Variants in KALRN observed in about 807,000 individuals in gnomAD.
KALRN encodes the protein kalirin RhoGEF kinase, also known as kalirin.
Under a neutral mutation model 353.7 loss-of-function variants are expected in KALRN, and 70 were observed. The ratio of observed to expected loss-of-function variants is 0.20; its 90% CI spans 0.16 to 0.24. The LOEUF (loss-of-function observed/expected upper bound fraction) is 0.24, where lower values mean the gene tolerates loss of function less well. Ranked by LOEUF, KALRN falls within the 10% of genes least tolerant of loss-of-function variation. KALRN has a pLI of 1.00. For synonymous variants in KALRN, 1,391 were observed against 1,434.8 expected, an observed-to-expected ratio of 0.97 and a Z score of 0.69; for missense variants, 2,791 against 3,756.7, an observed-to-expected ratio of 0.74 and a Z score of 6.72.
At chr3:124,696,343 T>C in intron 54 of KALRN, 88 bp downstream of exon 54, 1 of 1,331,424 alleles carries the variant, frequency 7.5e-7, no homozygotes. Context: ...TGATCTCTGT[T>C]CATGGCAGCC....
At chr3:124,316,468 A>C (rs141207148) in intron 6 of KALRN, among the ~76,000 whole-genome samples, 90 of 152,278 alleles carry the variant, frequency 5.9e-4, no homozygotes, top group African/African-American at 2.1e-3. Flanking sequence ...TTCACATCTC[A>C]GCCTCTACAA....
At position 124,247,249 on chromosome 3, in the gene KALRN, A is replaced by G. The variant is rs16835230; in HGVS notation, c.263+12306A>G. Among the ~76,000 whole-genome samples the G allele has an allele frequency of 6.8e-3, 1,028 of 152,272 alleles. 6 individuals carry two copies. Among genetic ancestry groups the G allele is most frequent in the African/African-American group, 0.022 (899 of 41,562 alleles). On this transcript the variant is annotated intron_variant, in intron 3 of 59. Transcript: ENST00000682506. ...TAGATGGGTTTTGTCAGAGGCTCCA[A>G]TGGTTCTATTCTGGTTCTCTCCTCA...
At chr3:124,629,817 TC>T (rs1178936074) in intron 34 of KALRN, among the ~76,000 whole-genome samples, 1 of 13,470 alleles carries the variant, frequency 7.4e-5, no homozygotes, top group African/African-American at 6.4e-4. Context: ...TCTCTCTGTC[TC>T]TCTCTCTCTC....
intron 34 of KALRN, among the ~76,000 whole-genome samples, chr3:124,584,082 T>A (rs948769021): frequency 4.6e-5 from 7 of 151,928 alleles, no homozygotes; most frequent in African/African-American, 1.7e-4. Context: ...ATGGGGAAAC[T>A]GAAGATAAAA....
At chr3:124,687,273 G>A (rs1239562700) in intron 51 of KALRN, among the ~76,000 whole-genome samples, 1 of 152,148 alleles carries the variant, frequency 6.6e-6, no homozygotes, top group Non-Finnish European at 1.5e-5. Context: ...TCATGGCTAG[G>A]TTGGAAATGT....
At chr3:124,220,816 C>CAGT (rs1485029922) in intron 1 of KALRN, among the ~76,000 whole-genome samples, 3 of 152,206 alleles carry the variant, frequency 2.0e-5, no homozygotes, top group African/African-American at 7.2e-5. Flanking sequence ...GACAAAGTTC[C>CAGT]AGTGCCCCTA....
chr3:124,423,063 A>G (rs2092852927), intron 15 of KALRN, 85 bp downstream of exon 15: 8 of 1,343,052 alleles, frequency 6.0e-6, no homozygotes, highest in Non-Finnish European at 8.3e-6. Flanking sequence ...GAGGTAAGGC[A>G]TACAGAGCCA....
At chr3:124,411,470 G>A (rs1283077107) in intron 13 of KALRN, among the ~76,000 whole-genome samples, 3 of 53,848 alleles carry the variant, frequency 5.6e-5, no homozygotes, top group Admixed American at 2.3e-4. Context: ...TTAAGAAACA[G>A]GGTCTCTATC....
At chr3:124,270,313 T>A (rs148847631) in intron 5 of KALRN, among the ~76,000 whole-genome samples, 1 of 152,334 alleles carries the variant, frequency 6.6e-6, no homozygotes, top group Admixed American at 6.5e-5. Context: ...GAAAAATGTC[T>A]CTAGGTATTT....
At chr3:124,659,289 A>G (rs2084510014) in intron 42 of KALRN, 76 bp from the exon 43 acceptor site, 3 of 943,968 alleles carry the variant, frequency 3.2e-6, no homozygotes, top group Admixed American at 3.5e-5. Context: ...CCTGTCTTCC[A>G]TGCCTTTGAA....
At chr3:124,227,231 CAT>C (rs1010518544) in intron 1 of KALRN, among the ~76,000 whole-genome samples, 2 of 152,150 alleles carry the variant, frequency 1.3e-5, no homozygotes, top group Non-Finnish European at 2.9e-5. Flanking sequence ...TCAACTAGAA[CAT>C]AGAAAGGACT....
chr3:124,330,251 C>G (rs1277494327), intron 8 of KALRN, among the ~76,000 whole-genome samples: 2 of 61,070 alleles, frequency 3.3e-5, no homozygotes, highest in Non-Finnish European at 6.7e-5. Flanking sequence ...CTCTCTCACA[C>G]ACACACACAC....
intron 1 of KALRN, among the ~76,000 whole-genome samples, chr3:124,205,013 G>A (rs569906061): frequency 2.0e-5 from 3 of 152,240 alleles, no homozygotes; most frequent in African/African-American, 7.2e-5. Context: ...GTTTTTGTTT[G>A]CAAAGTCTGC....
At chr3:124,423,772 A>G (rs1195506451) in intron 15 of KALRN, among the ~76,000 whole-genome samples, 2 of 152,194 alleles carry the variant, frequency 1.3e-5, no homozygotes, top group African/African-American at 2.4e-5. Flanking sequence ...TTGGGAGGCT[A>G]AGGAAGAAGG....
At chr3:124,420,204 C>T (rs1419623970) in intron 14 of KALRN, among the ~76,000 whole-genome samples, 1 of 152,212 alleles carries the variant, frequency 6.6e-6, no homozygotes, top group South Asian at 2.1e-4. Context: ...GACTGAGTCT[C>T]AGGACATGCT....
At position 124,632,594 on chromosome 3, in the gene KALRN, A is replaced by G; in HGVS notation, c.5357A>G (p.Asp1786Gly). 6.2e-7 allele frequency: 1 copy of G among 1,614,206 alleles called. No homozygotes were observed. Among genetic ancestry groups the G allele is most frequent in the East Asian group, 2.2e-5 (1 of 44,882 alleles). The change falls in exon 35 of 60, where the codon GAT becomes GGT. Residue 1786 changes from aspartate (D) to glycine (G), a missense_variant. Coordinates refer to ENST00000682506, the MANE Select transcript of KALRN (RefSeq NM_001388419.1). ...CGTCGGCTTAACAGCGGGAAGGCAG[A>G]TGGAAACATCAAAAAGCAGAAGAAA... ...PVRRLNSGKA[D>G]GNIKKQKKVR...
At chr3:124,173,111 G>A (rs1449812574) in intron 1 of KALRN, among the ~76,000 whole-genome samples, 1 of 152,064 alleles carries the variant, frequency 6.6e-6, no homozygotes, top group Non-Finnish European at 1.5e-5. Flanking sequence ...GGGGGGTGGG[G>A]ATGGTGGGAA....
chr3:124,480,427 T>C (rs915811587), intron 27 of KALRN, among the ~76,000 whole-genome samples: 2 of 152,196 alleles, frequency 1.3e-5, no homozygotes, highest in African/African-American at 4.8e-5. Context: ...TCCTATCTAG[T>C]CCATCTTTAA....
chr3:124,684,406 T>G (rs1390144586), intron 51 of KALRN, among the ~76,000 whole-genome samples: 2 of 152,196 alleles, frequency 1.3e-5, no homozygotes, highest in Non-Finnish European at 2.9e-5. Flanking sequence ...AGGAATATCA[T>G]TTCTGCCCAT....
Sources: gnomAD v4.1 joint callset for allele counts (sites outside exome capture counted in the v4.1 genomes callset) on GRCh38, gnomAD v4.1.1 for gene constraint, MANE v1.5 for transcripts, NCBI Gene and HGNC (gene_info 2026-07-23, HGNC 2026-07-21) for gene names.